DMRTA1: variants seen among roughly 807,000 people sequenced by gnomAD.
DMRTA1 encodes doublesex- and mab-3-related transcription factor A1.
A neutral mutation model predicts 35.2 loss-of-function variants in DMRTA1; 34 were observed. That is an observed-to-expected ratio of 0.97 (90% CI 0.74 to 1.29). DMRTA1 has a LOEUF of 1.29. Among genes scored for constraint, DMRTA1 ranks in the 50% most tolerant of loss-of-function variants. The pLI is 0.00. For synonymous variants in DMRTA1, 344 were observed against 276.6 expected (o/e 1.24, Z -2.42); for missense variants, 824 against 644.6 (o/e 1.28, Z -3.01).
rs754863697 is a variant in DMRTA1 at position 22,451,183 on chromosome 9, A to G, written c.787A>G (p.Ile263Val). 4.3e-6 allele frequency: 7 copies of G among 1,614,004 alleles called. No individual in the cohort carries two copies. In the Admixed American group the frequency reaches 6.7e-5, roughly 15 times the overall value. The change falls in exon 2 of 2, where the codon ATC becomes GTC. Residue 263 changes from isoleucine to valine, a missense_variant. Physicochemically the swap from Ile to Val is conservative, Grantham distance 29 (BLOSUM62 3). Coordinates refer to ENST00000325870, the MANE Select transcript of DMRTA1 (RefSeq NM_022160.3). ...RSNGVIGKQSIGSSISEYSNK... is the reference protein window; with the variant it reads ...RSNGVIGKQSVGSSISEYSNK... ...TAATGGTGTCATTGGGAAACAAAGTATCGGGTCATCTATTTCAGAATACTC... is the reference window on the plus strand; with the variant it reads ...TAATGGTGTCATTGGGAAACAAAGTGTCGGGTCATCTATTTCAGAATACTC...
In DMRTA1 at chr9:22,452,809, T is replaced by C. The variant is rs928121438; in HGVS notation, c.*898T>C. On this transcript the variant is annotated 3_prime_UTR_variant, in exon 2 of 2. Coordinates refer to ENST00000325870, the MANE Select transcript of DMRTA1 (RefSeq NM_022160.3). ...GCTTATGTCTGTATCTGGGGAAATATCCTTAAAAGTTTGGGACAAGAATAT... is the reference window on the plus strand; with the variant it reads ...GCTTATGTCTGTATCTGGGGAAATACCCTTAAAAGTTTGGGACAAGAATAT... The C allele has an allele frequency of 2.6e-5, 4 of 152,130 alleles. No individual in the cohort carries two copies. The highest frequency in any genetic ancestry group is 5.9e-5 in the Non-Finnish European group (4 of 67,968). The allele number at this position is 152,130 out of a possible 1,614,324, so 9.4% of individuals were successfully genotyped here. A position where few individuals can be genotyped will look rare whatever the true frequency, so the allele number is the denominator to read the frequency against.
Position 22,451,494 on chromosome 9 carries a change from C to A in DMRTA1, c.1098C>A (p.Gly366=). The A allele has an allele frequency of 1.2e-6, 2 of 1,614,106 alleles. No individual in the cohort carries two copies. The highest frequency in any genetic ancestry group is 8.5e-7 in the Non-Finnish European group (1 of 1,179,980). The stretch of plus-strand genomic sequence containing the variant: ...AAGCCATTGAACAGGTTTTAAATGG[C>A]AAAGAACACAAGCCAGACAACAGGA... ...VVQAIEQVLN[G]KEHKPDNRNL... Residue 366 remains glycine (G), a synonymous_variant, in exon 2 of 2, where the codon GGC becomes GGA. Coordinates refer to ENST00000325870, the MANE Select transcript of DMRTA1 (RefSeq NM_022160.3).
At chr9:22,451,015 T>C in intron 1 of DMRTA1, 49 bp from the exon 2 acceptor site, 1 of 1,560,526 alleles carries the variant, frequency 6.4e-7, no homozygotes, top group Non-Finnish European at 8.6e-7. Context: ...AGTACCACAT[T>C]CTGGGAAGTC....
Position 22,452,027 on chromosome 9 carries a change from G to A in DMRTA1, c.*116G>A. 8.7e-7 allele frequency: 1 copy of A among 1,146,770 alleles called. No individual in the cohort carries two copies. Among genetic ancestry groups the A allele is most frequent in the Non-Finnish European group, 1.2e-6 (1 of 868,908 alleles). 71.0% of individuals were successfully genotyped at this position (1,146,770 alleles called of 1,614,324 possible). A position where few individuals can be genotyped will look rare whatever the true frequency, so the allele number is the denominator to read the frequency against. On this transcript the variant is annotated 3_prime_UTR_variant, in exon 2 of 2. Coordinates refer to ENST00000325870, the MANE Select transcript of DMRTA1 (RefSeq NM_022160.3). ...AGTAAGTATGTGAGTGGATTATGAG[G>A]TCTTAAAATGCTGGGTTTTTTTTTT...
rs1818836591 is a variant in DMRTA1 at position 22,446,909 on chromosome 9, C to T, written c.-157C>T. 3.2e-6 allele frequency: 3 copies of T among 937,254 alleles called. No individual in the cohort carries two copies. The highest frequency in any genetic ancestry group is 6.0e-5 in the East Asian group (2 of 33,318). The allele number at this position is 937,254 out of a possible 1,614,324, so 58.1% of individuals were successfully genotyped here. On this transcript the variant is annotated 5_prime_UTR_variant, in exon 1 of 2. Coordinates refer to ENST00000325870, the MANE Select transcript of DMRTA1 (RefSeq NM_022160.3). ...GCTCCAGGACGCGGTCGTCCCAACTCCTTCCGAGTGGAAAGAGTGTAAAAC... is the reference window on the plus strand; with the variant it reads ...GCTCCAGGACGCGGTCGTCCCAACTTCTTCCGAGTGGAAAGAGTGTAAAAC...
At chr9:22,450,887 G>T (rs537451964) in intron 1 of DMRTA1, among the ~76,000 whole-genome samples, 177 bp from the exon 2 acceptor site, 1 of 152,198 alleles carries the variant, frequency 6.6e-6, no homozygotes, top group East Asian at 1.9e-4. Flanking sequence ...TCCAGCACCT[G>T]CATTTCTGAA....
rs1223460708 is a variant in DMRTA1, at chr9:22,453,856, AC to A, written c.*1946del. The A allele has an allele frequency of 6.6e-6, 1 of 152,082 alleles. No individual in the cohort carries two copies. The highest frequency in any genetic ancestry group is 1.5e-5 in the Non-Finnish European group (1 of 67,942). The allele number at this position is 152,082 out of a possible 1,614,324, so 9.4% of individuals were successfully genotyped here. ...AAAAGTGCTAGATCCTGTAGAGGAT[AC>A]TGAATGTAAAATATTGTGCTCTAAA... On this transcript the variant is annotated 3_prime_UTR_variant, in exon 2 of 2. Transcript: ENST00000325870.
chr9:22,446,971 G>C lies in DMRTA1; in HGVS notation c.-95G>C, dbSNP rs774169800. Reference sequence around the variant, plus strand: ...CGCGGGTGGAGCTCAGTAGGACCACGGCGCGTCCTGCCCCGGCTTCCCCAG... The same window carrying C: ...CGCGGGTGGAGCTCAGTAGGACCACCGCGCGTCCTGCCCCGGCTTCCCCAG... On this transcript the variant is annotated 5_prime_UTR_variant, in exon 1 of 2. Transcript: ENST00000325870. The C allele has an allele frequency of 6.8e-7, 1 of 1,480,284 alleles. No homozygotes were observed. Among genetic ancestry groups the C allele is most frequent in the Non-Finnish European group, 9.1e-7 (1 of 1,099,342 alleles). The allele number at this position is 1,480,284 out of a possible 1,614,324, so 91.7% of individuals were successfully genotyped here. A position where few individuals can be genotyped will look rare whatever the true frequency, so the allele number is the denominator to read the frequency against.
rs1399005728 is a variant in DMRTA1, at chr9:22,447,639, G to A, written c.574G>A (p.Ala192Thr). Reference sequence around the variant, plus strand: ...GTCCACGGGCGGCCCTGCGGCGGGGGCTGCGCTGGGACTGGGTGCCTTGAG... The same window carrying A: ...GTCCACGGGCGGCCCTGCGGCGGGGACTGCGCTGGGACTGGGTGCCTTGAG... ...PQSTGGPAAGAALGLGALRQA... is the reference protein window; with the variant it reads ...PQSTGGPAAGTALGLGALRQA... The change falls in exon 1 of 2, where the codon GCT (alanine) becomes ACT (threonine). Residue 192 changes from alanine to threonine, a missense_variant. By Grantham distance (58) the Ala-to-Thr change is moderately conservative. Coordinates refer to ENST00000325870, the MANE Select transcript of DMRTA1 (RefSeq NM_022160.3). 1.2e-6 allele frequency: 2 copies of A among 1,608,502 alleles called. No individual in the cohort carries two copies. Among genetic ancestry groups the A allele is most frequent in the East Asian group, 4.5e-5 (2 of 44,746 alleles).
Position 22,447,201 on chromosome 9 carries a change from G to T in DMRTA1, c.136G>T (p.Ala46Ser). 1 of 1,585,062 alleles carries T rather than the reference G, an allele frequency of 6.3e-7. No homozygotes were observed. Among genetic ancestry groups the T allele is most frequent in the Non-Finnish European group, 8.6e-7 (1 of 1,168,876 alleles). ...ACCATCGGGGATGCAGGTTCCCCCA[G>T]CGTTCCTGCGGCCGCCCAGCCTCTT... ...PVPSGMQVPP[A>S]FLRPPSLFLR... Residue 46 changes from alanine to serine, a missense_variant, in exon 1 of 2, where the codon GCG becomes TCG. Transcript: ENST00000325870.
chr9:22,450,760 A>G (rs1318633402), intron 1 of DMRTA1, among the ~76,000 whole-genome samples: 1 of 152,186 alleles, frequency 6.6e-6, no homozygotes, highest in Non-Finnish European at 1.5e-5. Context: ...TATTGGTGTT[A>G]TGCAGACAAT....
At position 22,447,018 on chromosome 9, in the gene DMRTA1, G is replaced by A. The variant is rs1818839024; in HGVS notation, c.-48G>A. The A allele has an allele frequency of 1.3e-6, 2 of 1,575,486 alleles. No homozygotes were observed. Among genetic ancestry groups the A allele is most frequent in the Non-Finnish European group, 8.6e-7 (1 of 1,161,686 alleles). ...CCAGCCTCCCAGCAGGGTTAGCTGC[G>A]GTCAGCGCACTTTCCACTTGGGACT... On this transcript the variant is annotated 5_prime_UTR_variant, in exon 1 of 2. Transcript: ENST00000325870.
At chr9:22,448,812 C>A (rs1818879868) in intron 1 of DMRTA1, among the ~76,000 whole-genome samples, 1 of 151,616 alleles carries the variant, frequency 6.6e-6, no homozygotes, top group South Asian at 2.1e-4. Context: ...ATGAGGCATT[C>A]AGTTCAGAGT....
In DMRTA1 at chr9:22,447,603, G is replaced by T. The variant is rs776246092; in HGVS notation, c.538G>T (p.Glu180Ter). ...GRASGGGGRA[E>*]NPQSTGGPAA... is the part of the protein sequence containing the mutation. ...GGCATCCGGGGGCGGCGGCAGAGCCGAGAATCCACAGTCCACGGGCGGCCC... is the reference window on the plus strand; with the variant it reads ...GGCATCCGGGGGCGGCGGCAGAGCCTAGAATCCACAGTCCACGGGCGGCCC... The change falls in exon 1 of 2, where the codon GAG becomes TAG. Residue 180 changes from glutamate to a stop codon, truncating the protein, a stop_gained. Coordinates refer to ENST00000325870, the MANE Select transcript of DMRTA1 (RefSeq NM_022160.3). LOFTEE classifies it high-confidence loss of function. 3 of 1,606,562 alleles carry T rather than the reference G, an allele frequency of 1.9e-6. No individual in the cohort carries two copies. The highest frequency in any genetic ancestry group is 1.1e-5 in the South Asian group (1 of 90,552).
rs1033333947 is a variant in DMRTA1 at position 22,451,188 on chromosome 9, G to T, written c.792G>T (p.Gly264=). Reference sequence around the variant, plus strand: ...GTGTCATTGGGAAACAAAGTATCGGGTCATCTATTTCAGAATACTCCAACA... The same window carrying T: ...GTGTCATTGGGAAACAAAGTATCGGTTCATCTATTTCAGAATACTCCAACA... The part of the protein sequence containing the change: ...SNGVIGKQSI[G]SSISEYSNKP... Residue 264 remains glycine, a synonymous_variant, in exon 2 of 2, where the codon GGG becomes GGT. Coordinates refer to ENST00000325870, the MANE Select transcript of DMRTA1 (RefSeq NM_022160.3). The T allele has an allele frequency of 6.2e-7, 1 of 1,613,928 alleles. No homozygotes were observed. Among genetic ancestry groups the T allele is most frequent in the Non-Finnish European group, 8.5e-7 (1 of 1,179,986 alleles).
In DMRTA1 at chr9:22,447,245, G is replaced by C. The variant is rs1587668012; in HGVS notation, c.180G>C (p.Ala60=). The change falls in exon 1 of 2, where the codon GCG becomes GCC. Residue 60 remains alanine (A), a synonymous_variant. Transcript: ENST00000325870. ...PPSLFLRAAA[A]AAAAAAATSG... is the part of the protein sequence containing the mutation. The stretch of plus-strand genomic sequence containing the variant: ...GCCTCTTTCTGCGAGCAGCGGCCGC[G>C]GCCGCCGCCGCCGCTGCCGCCACCT... The C allele has an allele frequency of 1.3e-6, 2 of 1,505,360 alleles. No individual in the cohort carries two copies. Among genetic ancestry groups the C allele is most frequent in the South Asian group, 1.3e-5 (1 of 79,120 alleles). 93.3% of individuals were successfully genotyped at this position (1,505,360 alleles called of 1,614,324 possible). A position where few individuals can be genotyped will look rare whatever the true frequency, so the allele number is the denominator to read the frequency against.
intron 1 of DMRTA1, 116 bp from the exon 2 acceptor site, chr9:22,450,948 A>G: frequency 1.9e-6 from 2 of 1,070,308 alleles, no homozygotes; most frequent in Middle Eastern, 2.6e-4. Context: ...GTGTATAAAT[A>G]TTACTAATTA....
In DMRTA1 at chr9:22,452,622, C is replaced by T. The variant is rs751646147; in HGVS notation, c.*711C>T. The T allele has an allele frequency of 1.3e-5, 2 of 152,124 alleles. No homozygotes were observed. The highest frequency in any genetic ancestry group is 2.9e-5 in the Non-Finnish European group (2 of 68,002). The allele number at this position is 152,124 out of a possible 1,614,324, so 9.4% of individuals were successfully genotyped here. A position where few individuals can be genotyped will look rare whatever the true frequency, so the allele number is the denominator to read the frequency against. On this transcript the variant is annotated 3_prime_UTR_variant, in exon 2 of 2. Coordinates refer to ENST00000325870, the MANE Select transcript of DMRTA1 (RefSeq NM_022160.3). ...GACTGCGCCATCTCCTGGCCACTAT[C>T]GCCAATTGCAACTGAGCTCTGTAGA...
At position 22,451,124 on chromosome 9, in the gene DMRTA1, C is replaced by T. The variant is rs267602200; in HGVS notation, c.728C>T (p.Ser243Phe). The T allele has an allele frequency of 6.2e-7, 1 of 1,613,828 alleles. No individual in the cohort carries two copies. The highest frequency in any genetic ancestry group is 1.3e-5 in the African/African-American group (1 of 74,886). Residue 243 changes from serine (S) to phenylalanine (F), a missense_variant, in exon 2 of 2, where the codon TCC (serine) becomes TTC (phenylalanine). Coordinates refer to ENST00000325870, the MANE Select transcript of DMRTA1 (RefSeq NM_022160.3). ...QNGQEELISK[S>F]HQLYLGSSSR... ...GGACAAGAAGAACTGATCTCCAAAT[C>T]CCATCAGCTTTACCTAGGATCATCT... is the stretch of plus-strand genomic sequence containing the variant.
Sources: gnomAD v4.1 joint callset for allele counts (sites outside exome capture counted in the v4.1 genomes callset) on GRCh38, gnomAD v4.1.1 for gene constraint, MANE v1.5 for transcripts, NCBI Gene and HGNC (gene_info 2026-07-23, HGNC 2026-07-21) for gene names.